The following FAM220A variants were observed in gnomAD, a reference collection of about 807,000 sequenced individuals.
FAM220A encodes the protein protein FAM220A.
For missense variants in FAM220A, 392 were observed against 321.6 expected, an observed-to-expected ratio of 1.22 and a Z score of -1.68; for synonymous variants, 141 against 130.7, an observed-to-expected ratio of 1.08 and a Z score of -0.54.
intron 1 of FAM220A, among the ~76,000 whole-genome samples, chr7:6,331,738 CTTTTTTTTT>C (rs376255551): frequency 8.5e-6 from 1 of 117,764 alleles, no homozygotes; most frequent in East Asian, 2.5e-4. Context: ...ATAATAGAGG[CTTTTTTTTT>C]TTTTTTTTTT....
chr7:6,333,201 G>A (rs1781674158), intron 1 of FAM220A, among the ~76,000 whole-genome samples: 1 of 151,656 alleles, frequency 6.6e-6, no homozygotes, highest in Non-Finnish European at 1.5e-5. Context: ...AAAAAACACT[G>A]GGGAGAAAAT....
intron 1 of FAM220A, among the ~76,000 whole-genome samples, chr7:6,347,358 A>G (rs960799707): frequency 5.9e-5 from 9 of 151,956 alleles, no homozygotes; most frequent in African/African-American, 2.2e-4. Flanking sequence ...CTACTTAAAA[A>G]TACAAAAATT....
Position 6,348,952 on chromosome 7 carries a change from C to T in FAM220A, c.-461G>A. On this transcript the variant is annotated 5_prime_UTR_variant, in exon 1 of 2. Coordinates refer to ENST00000313324, the MANE Select transcript of FAM220A (RefSeq NM_001037163.2). ...CTCCGCGAGCAGCCGCCTGTACCAGCCTGGCCGCGCAGCCTGACGTCACAA... is the reference window on the plus strand; with the variant it reads ...CTCCGCGAGCAGCCGCCTGTACCAGTCTGGCCGCGCAGCCTGACGTCACAA... 2.6e-6 allele frequency: 1 copy of T among 379,206 alleles called. No individual in the cohort carries two copies. Among genetic ancestry groups the T allele is most frequent in the Non-Finnish European group, 4.7e-6 (1 of 214,188 alleles). 23.5% of individuals were successfully genotyped at this position (379,206 alleles called of 1,614,324 possible).
intron 1 of FAM220A, among the ~76,000 whole-genome samples, chr7:6,337,739 A>G (rs1041202570): frequency 6.6e-6 from 1 of 151,764 alleles, no homozygotes. Context: ...TTCTTCTAGT[A>G]CTTTAGTATT....
intron 1 of FAM220A, among the ~76,000 whole-genome samples, chr7:6,335,356 G>A (rs544837000): frequency 6.6e-6 from 1 of 151,972 alleles, no homozygotes; most frequent in Admixed American, 6.6e-5. Flanking sequence ...CTGAGTAGCT[G>A]TGATTACAAG....
Position 6,348,870 on chromosome 7 carries a change from C to CGGCG in FAM220A, c.-383_-380dup, listed in dbSNP as rs1477805993. 1,739 of 387,908 alleles carry CGGCG rather than the reference C, an allele frequency of 4.5e-3. 13 individuals are homozygous for CGGCG. The highest frequency in any genetic ancestry group is 0.011 in the African/African-American group (547 of 48,130). 24.0% of individuals were successfully genotyped at this position (387,908 alleles called of 1,614,324 possible). On this transcript the variant is annotated 5_prime_UTR_variant, in exon 1 of 2. Coordinates refer to ENST00000313324, the MANE Select transcript of FAM220A (RefSeq NM_001037163.2). ...GGAGCGAAGGAGGCGGCGGCTAGAC[C>CGGCG]GGCGGGCGGGCGGGCCGCAGTGGAG...
chr7:6,334,805 G>A (rs111986639), intron 1 of FAM220A, among the ~76,000 whole-genome samples: 7 of 49,028 alleles, frequency 1.4e-4, no homozygotes, highest in Non-Finnish European at 2.8e-4. Flanking sequence ...AGTTTCACTC[G>A]TTACCCAGGC....
chr7:6,331,942 C>T (rs1018820159), intron 1 of FAM220A, among the ~76,000 whole-genome samples: 7 of 151,488 alleles, frequency 4.6e-5, no homozygotes, highest in Non-Finnish European at 8.8e-5. Context: ...GATGAGGGTT[C>T]GCCATGTTGG....
intron 1 of FAM220A, among the ~76,000 whole-genome samples, chr7:6,332,652 C>T (rs77852683): frequency 0.011 from 1,598 of 152,078 alleles, 24 homozygotes; most frequent in African/African-American, 0.034. Flanking sequence ...GAGCTGAGAT[C>T]GAGTCACTCT....
In FAM220A at chr7:6,329,608, AAC is replaced by A. The variant is rs931552058; in HGVS notation, c.*765_*766del. 2.5e-5 allele frequency: 4 copies of A among 159,570 alleles called. No individual in the cohort carries two copies. The highest frequency in any genetic ancestry group is 9.6e-5 in the African/African-American group (4 of 41,580). The allele number at this position is 159,570 out of a possible 1,614,324, so 9.9% of individuals were successfully genotyped here. A position where few individuals can be genotyped will look rare whatever the true frequency, so the allele number is the denominator to read the frequency against. ...TTAAATGACCTTTATTAAAGTTATCAACAGACGACAACAGGAGTCACCTTGAA... is the reference window on the plus strand; with the variant it reads ...TTAAATGACCTTTATTAAAGTTATCAAGACGACAACAGGAGTCACCTTGAA... On this transcript the variant is annotated 3_prime_UTR_variant, in exon 2 of 2. Coordinates refer to ENST00000313324, the MANE Select transcript of FAM220A (RefSeq NM_001037163.2).
Position 6,329,607 on chromosome 7 carries a change from C to G in FAM220A, c.*768G>C, listed in dbSNP as rs527332682. 6.3e-4 allele frequency: 100 copies of G among 159,224 alleles called. 1 individual carries two copies. Among genetic ancestry groups the G allele is most frequent in the Non-Finnish European group, 1.3e-3 (86 of 68,056 alleles). The allele number at this position is 159,224 out of a possible 1,614,324, so 9.9% of individuals were successfully genotyped here. ...CTTAAATGACCTTTATTAAAGTTAT[C>G]AACAGACGACAACAGGAGTCACCTT... On this transcript the variant is annotated 3_prime_UTR_variant, in exon 2 of 2. Coordinates refer to ENST00000313324, the MANE Select transcript of FAM220A (RefSeq NM_001037163.2).
chr7:6,331,178 G>A lies in FAM220A; in HGVS notation c.-24C>T, dbSNP rs760301535. Reference sequence around the variant, plus strand: ...ATGCTTCGTGTTCTTGGATGCGGTGGGCCTGAGGTCACGCCTTCGTCAGTC... The same window carrying A: ...ATGCTTCGTGTTCTTGGATGCGGTGAGCCTGAGGTCACGCCTTCGTCAGTC... On this transcript the variant is annotated 5_prime_UTR_variant, in exon 2 of 2. Coordinates refer to ENST00000313324, the MANE Select transcript of FAM220A (RefSeq NM_001037163.2). The A allele has an allele frequency of 1.0e-5, 16 of 1,595,474 alleles. No individual in the cohort carries two copies. Among genetic ancestry groups the A allele is most frequent in the African/African-American group, 9.4e-5 (7 of 74,328 alleles).
rs373797604 is a variant in FAM220A at position 6,335,852 on chromosome 7, C to G, written c.-81-4617G>C. Among the ~76,000 whole-genome samples the G allele has an allele frequency of 2.6e-4, 39 of 151,604 alleles. 1 individual carries two copies. The East Asian group carries it at 5.2e-3, about 20-fold the overall frequency. ...GGGTGTGAGACCAGCCTGGGCAACACAGCAAGACCCTGTCTCTACAAAAAA... is the reference window on the plus strand; with the variant it reads ...GGGTGTGAGACCAGCCTGGGCAACAGAGCAAGACCCTGTCTCTACAAAAAA... On this transcript the variant is annotated intron_variant, in intron 1 of 1. Transcript: ENST00000313324.
chr7:6,347,275 G>T (rs1221402374), intron 1 of FAM220A, among the ~76,000 whole-genome samples: 1 of 152,210 alleles, frequency 6.6e-6, no homozygotes, highest in Admixed American at 6.6e-5. Context: ...AGCACTTTGG[G>T]AGGTCGAGGC....
intron 1 of FAM220A, among the ~76,000 whole-genome samples, chr7:6,336,121 C>T (rs1781741285): frequency 6.8e-6 from 1 of 146,918 alleles, no homozygotes; most frequent in African/African-American, 2.6e-5. Context: ...TACAGTAAGC[C>T]AAGATAGCAC....
intron 1 of FAM220A, among the ~76,000 whole-genome samples, chr7:6,341,573 C>T (rs1781859395): frequency 6.7e-6 from 1 of 150,054 alleles, no homozygotes; most frequent in Admixed American, 6.7e-5. Context: ...GCCTGTAGTC[C>T]CAGCTACTCG....
intron 1 of FAM220A, among the ~76,000 whole-genome samples, chr7:6,336,324 C>T (rs117993370): frequency 1.8e-4 from 27 of 151,432 alleles, no homozygotes; most frequent in East Asian, 3.9e-4. Flanking sequence ...CTCCAGCCTG[C>T]GCAATTAGAG....
rs184806188 is a variant in FAM220A, at chr7:6,337,898, G to C, written c.-81-6663C>G. On this transcript the variant is annotated intron_variant, in intron 1 of 1. Coordinates refer to ENST00000313324, the MANE Select transcript of FAM220A (RefSeq NM_001037163.2). ...GGCTCACTGCAACCTCCGCCTCCCA[G>C]GTTCAAGCAATTCTCCTGCCTCACC... Among the ~76,000 whole-genome samples, 94 of 151,628 alleles carry C rather than the reference G, an allele frequency of 6.2e-4. 5 individuals are homozygous for C. The highest frequency in any genetic ancestry group is 2.2e-3 in the African/African-American group (90 of 41,006).
chr7:6,330,833 G>C lies in FAM220A; in HGVS notation c.322C>G (p.Pro108Ala), dbSNP rs1385210349. 6.2e-6 allele frequency: 10 copies of C among 1,614,064 alleles called. No individual in the cohort carries two copies. In the South Asian group the frequency reaches 7.7e-5, roughly 12 times the overall value. The part of the protein sequence containing the change: ...ATPSTAVGLF[P>A]APTECFARVS... ...CGAGCAAAACACTCTGTTGGAGCAG[G>C]GAACAAACCCACGGCTGTGCTCGGA... Residue 108 changes from proline to alanine, a missense_variant, in exon 2 of 2, where the codon CCT (proline) becomes GCT (alanine). Physicochemically the swap from Pro to Ala is conservative, Grantham distance 27. Transcript: ENST00000313324.
Sources: allele counts gnomAD v4.1 joint callset (sites outside exome capture counted in the v4.1 genomes callset), GRCh38; gene constraint gnomAD v4.1.1; transcripts MANE v1.5; gene names NCBI Gene and HGNC (gene_info 2026-07-23, HGNC 2026-07-21).